CLYBL: variants seen among roughly 807,000 people sequenced by gnomAD.
CLYBL encodes the protein citramalyl-CoA lyase.
In CLYBL, 31 loss-of-function variants were observed where a neutral mutation model predicts 38.9. The ratio of observed to expected loss-of-function variants is 0.80; its 90% CI spans 0.60 to 1.08. CLYBL has a LOEUF of 1.08. Ranked by LOEUF, CLYBL falls within the 50% of genes least tolerant of loss-of-function variation. The pLI is 0.00. For missense variants in CLYBL, 434 were observed against 411.6 expected, an observed-to-expected ratio of 1.05 and a Z score of -0.47; for synonymous variants, 171 against 158.6, an observed-to-expected ratio of 1.08 and a Z score of -0.59.
In CLYBL at chr13:99,858,989, C is replaced by G. The variant is rs1221877547; in HGVS notation, c.378C>G (p.Ser126=). ...AAGACCTAGAGACCCTTTTGCAATC[C>G]CGGGTCCTTCCTTCCAGCCTGATGC... ...AEEDLETLLQ[S]RVLPSSLMLP... The change falls in exon 3 of 9, where the codon TCC becomes TCG. Residue 126 remains serine (S), a synonymous_variant. Transcript: ENST00000339105. 6.2e-7 allele frequency: 1 copy of G among 1,613,896 alleles called. No individual in the cohort carries two copies. The highest frequency in any genetic ancestry group is 8.5e-7 in the Non-Finnish European group (1 of 1,179,994).
intron 2 of CLYBL, among the ~76,000 whole-genome samples, chr13:99,847,502 GTACCAGTCGGTTGGGGAAGGCAGC>G (rs2139150928): frequency 6.6e-6 from 1 of 152,308 alleles, no homozygotes; most frequent in East Asian, 1.9e-4. Context: ...ACTGTACTTT[GTACCAGTCGGTTGGGGAAGGCAGC>G]TACCTTCTCT....
rs1165396365 is a variant in CLYBL at position 99,696,891 on chromosome 13, TAA to T, written c.63-75932_63-75931del. Among the ~76,000 whole-genome samples, 11 of 152,300 alleles carry T rather than the reference TAA, an allele frequency of 7.2e-5. No individual in the cohort carries two copies. In the East Asian group the frequency reaches 1.9e-3, roughly 27 times the overall value. On this transcript the variant is annotated intron_variant, in intron 1 of 8. Coordinates refer to ENST00000339105, the MANE Select transcript of CLYBL (RefSeq NM_206808.5). The stretch of plus-strand genomic sequence containing the variant: ...GATAAGGAAATATCTGTAGACAGTT[TAA>T]GTCTCTATTTTTTTCTACAAATGTA...
chr13:99,878,249 A>G (rs1321993170), intron 7 of CLYBL, among the ~76,000 whole-genome samples: 2 of 152,216 alleles, frequency 1.3e-5, no homozygotes, highest in Non-Finnish European at 2.9e-5. Context: ...TTATTCATCA[A>G]TTGTGCTTTG....
intron 1 of CLYBL, among the ~76,000 whole-genome samples, chr13:99,707,143 G>C (rs1295815007): frequency 1.3e-5 from 2 of 152,158 alleles, no homozygotes; most frequent in African/African-American, 2.4e-5. Context: ...TACCCTCAAT[G>C]AGTAACGTGA....
At chr13:99,794,364 G>C (rs933227471) in intron 2 of CLYBL, among the ~76,000 whole-genome samples, 2 of 152,038 alleles carry the variant, frequency 1.3e-5, no homozygotes, top group Non-Finnish European at 2.9e-5. Context: ...AGGTTGCAGT[G>C]AGCCAAGATT....
intron 2 of CLYBL, among the ~76,000 whole-genome samples, chr13:99,779,194 G>T (rs1394651804): frequency 1.3e-5 from 2 of 152,180 alleles, no homozygotes; most frequent in Non-Finnish European, 2.9e-5. Context: ...CCGGGCTGGA[G>T]TGCAATGGTA....
chr13:99,610,963 A>G (rs12584897), intron 1 of CLYBL, among the ~76,000 whole-genome samples: 38,844 of 152,008 alleles, frequency 0.26, 6,089 homozygotes, highest in East Asian at 0.58. Flanking sequence ...AGTCAGGTCA[A>G]TTAAAGACAG....
At chr13:99,897,917 G>T (rs1279836315), downstream of CLYBL, among the ~76,000 whole-genome samples, 4 of 151,054 alleles carry the variant, frequency 2.6e-5, no homozygotes, top group African/African-American at 9.8e-5. Context: ...TCCAGCCTGG[G>T]CAACAAGGGC....
intron 2 of CLYBL, among the ~76,000 whole-genome samples, chr13:99,825,132 G>A (rs9513673): frequency 0.32 from 48,232 of 152,094 alleles, 8,454 homozygotes; most frequent in Middle Eastern, 0.44. Context: ...CCATGTTCAT[G>A]TAATTCCATA....
chr13:99,752,076 G>A lies in CLYBL; in HGVS notation c.63-20748G>A, dbSNP rs578121128. Among the ~76,000 whole-genome samples the A allele has an allele frequency of 6.6e-5, 10 of 152,266 alleles. 1 individual carries two copies. In the South Asian group the frequency reaches 1.2e-3, roughly 19 times the overall value. Reference sequence around the variant, plus strand: ...ACACACAACATACAAAACCCTGGGCGTAGACAGTGCAGAGGGCCACGGATG... The same window carrying A: ...ACACACAACATACAAAACCCTGGGCATAGACAGTGCAGAGGGCCACGGATG... On this transcript the variant is annotated intron_variant, in intron 1 of 8. Coordinates refer to ENST00000339105, the MANE Select transcript of CLYBL (RefSeq NM_206808.5).
At chr13:99,806,813 T>C (rs2050240978) in intron 2 of CLYBL, among the ~76,000 whole-genome samples, 1 of 152,222 alleles carries the variant, frequency 6.6e-6, no homozygotes, top group Admixed American at 6.5e-5. Context: ...CCTTGGGTAG[T>C]TGAGCTGCTG....
At chr13:99,647,685 C>G (rs952737526) in intron 1 of CLYBL, among the ~76,000 whole-genome samples, 11 of 152,192 alleles carry the variant, frequency 7.2e-5, no homozygotes, top group Admixed American at 2.0e-4. Context: ...CAAGAAGCAT[C>G]TTAAGTCCTC....
At chr13:99,868,277 AGATT>A (rs1198253319) in intron 6 of CLYBL, among the ~76,000 whole-genome samples, 3 of 152,232 alleles carry the variant, frequency 2.0e-5, no homozygotes, top group African/African-American at 7.2e-5. Flanking sequence ...ATAATAAGAT[AGATT>A]ATTTGTAGTC....
Position 99,712,438 on chromosome 13 carries a change from G to T in CLYBL, c.63-60386G>T, listed in dbSNP as rs367594262. 2.4e-4 allele frequency among the ~76,000 whole-genome samples: 36 copies of T among 150,874 alleles called. 2 individuals are homozygous for T. In the South Asian group the frequency reaches 5.9e-3, roughly 25 times the overall value. ...TGACCTCTGCCTCCTGGGCTCAAGC[G>T]ATCCTCCCGCCTCAGCCTCCCAAGT... is the stretch of plus-strand genomic sequence containing the variant. On this transcript the variant is annotated intron_variant, in intron 1 of 8. Transcript: ENST00000339105.
chr13:99,891,403 A>C lies in CLYBL; in HGVS notation c.1013A>C (p.Lys338Thr), dbSNP rs531038697. 1.2e-6 allele frequency: 2 copies of C among 1,612,414 alleles called. No homozygotes were observed. Among genetic ancestry groups the C allele is most frequent in the Non-Finnish European group, 8.5e-7 (1 of 1,178,422 alleles). ...QNTVTLATSI[K>T]EK Reference sequence around the variant, plus strand: ...ACTGTTACGCTTGCCACCTCCATCAAGGAAAAATGATCTGTTAAATGAAGC... The same window carrying C: ...ACTGTTACGCTTGCCACCTCCATCACGGAAAAATGATCTGTTAAATGAAGC... Residue 338 changes from lysine (K) to threonine (T), a missense_variant, in exon 8 of 9, where the codon AAG becomes ACG. By Grantham distance (78) the Lys-to-Thr change is moderately conservative (BLOSUM62 -1). Coordinates refer to ENST00000339105, the MANE Select transcript of CLYBL (RefSeq NM_206808.5).
chr13:99,635,321 A>C (rs6491523), intron 1 of CLYBL, among the ~76,000 whole-genome samples: 1,939 of 151,846 alleles, frequency 0.013, 51 homozygotes, highest in African/African-American at 0.044. Context: ...CACACCCCCA[A>C]CCTTTTCCAG....
chr13:99,680,864 T>G (rs1390561128), intron 1 of CLYBL, among the ~76,000 whole-genome samples: 2 of 152,220 alleles, frequency 1.3e-5, no homozygotes, highest in African/African-American at 4.8e-5. Context: ...GCATCAGACA[T>G]GGACCCAATA....
intron 1 of CLYBL, among the ~76,000 whole-genome samples, chr13:99,704,423 T>C (rs2048115755): frequency 6.6e-6 from 1 of 152,238 alleles, no homozygotes; most frequent in Non-Finnish European, 1.5e-5. Context: ...CATTATAAAA[T>C]AGCCCAGTTG....
intron 1 of CLYBL, among the ~76,000 whole-genome samples, chr13:99,689,165 ATC>A (rs2047862887): frequency 6.6e-6 from 1 of 152,122 alleles, no homozygotes; most frequent in South Asian, 2.1e-4. Context: ...CCACTCAAAA[ATC>A]TCTTACAGAA....
Sources: gnomAD v4.1 joint callset for allele counts (sites outside exome capture counted in the v4.1 genomes callset) on GRCh38, gnomAD v4.1.1 for gene constraint, MANE v1.5 for transcripts, NCBI Gene and HGNC (gene_info 2026-07-23, HGNC 2026-07-21) for gene names.